The following DNM1 variants were observed in gnomAD, a reference collection of about 807,000 sequenced individuals.
DNM1 encodes the protein dynamin 1.
A neutral mutation model predicts 104.6 loss-of-function variants in DNM1; 29 were observed. The observed-to-expected ratio is 0.28, with a 90% confidence interval of 0.21 to 0.38. The LOEUF is 0.38. Among genes scored for constraint, DNM1 ranks in the 10% least tolerant of loss-of-function variants. The pLI is 1.00. For synonymous variants in DNM1, 445 were observed against 475.8 expected (o/e 0.94, Z 0.84); for missense variants, 640 against 1,189.4 (o/e 0.54, Z 6.79).
Position 128,240,105 on chromosome 9 carries a change from G to A in DNM1, c.1557+109G>A, listed in dbSNP as rs1230599643. 1 of 1,275,168 alleles carries A rather than the reference G, an allele frequency of 7.8e-7. No individual in the cohort carries two copies. Among genetic ancestry groups the A allele is most frequent in the African/African-American group, 1.5e-5 (1 of 68,122 alleles). The allele number at this position is 1,275,168 out of a possible 1,614,324, so 79.0% of individuals were successfully genotyped here. ...GGGCACCCTTTGGCTGAAGCTGCTT[G>A]TACACACCAGCCCCTGGCATTTCAC... On this transcript the variant is annotated intron_variant, in intron 14 of 21. Transcript: ENST00000372923. This position sits in a 1 kb window ranked among gnomAD's most constrained non-coding sequence, Gnocchi z 5.1.
At chr9:128,249,513 G>T (rs576121614) in intron 19 of DNM1, among the ~76,000 whole-genome samples, 3 of 151,636 alleles carry the variant, frequency 2.0e-5, no homozygotes, top group Admixed American at 6.6e-5. Flanking sequence ...AAAATTAGCC[G>T]GGCGTGGTGG....
In DNM1 at chr9:128,205,123, C is replaced by G. The variant is rs1468579248; in HGVS notation, c.161+1492C>G. ...TCTCTCCAATGGCTCCTGCAGAGCC[C>G]CCCTTCTGATCACATGACCCCCGGA... On this transcript the variant is annotated intron_variant, in intron 1 of 21. Coordinates refer to ENST00000372923, the MANE Select transcript of DNM1 (RefSeq NM_004408.4). Among the ~76,000 whole-genome samples the G allele has an allele frequency of 3.9e-5, 6 of 152,260 alleles. No individual in the cohort carries two copies. In the East Asian group the frequency reaches 1.2e-3, roughly 29 times the overall value.
Position 128,245,661 on chromosome 9 carries a change from A to G in DNM1, c.1672-733A>G, listed in dbSNP as rs943521734. ...GGTGTGCAGGTAAGATGTGTACCCC[A>G]GTATAAGTCCACAGGCATGGCTCTG... On this transcript the variant is annotated intron_variant, in intron 15 of 21. Transcript: ENST00000372923. The surrounding 1 kb of genome is among the most constrained non-coding windows in gnomAD (Gnocchi z 5.2). Among the ~76,000 whole-genome samples, 2 of 152,202 alleles carry G rather than the reference A, an allele frequency of 1.3e-5. No homozygotes were observed. Among genetic ancestry groups the G allele is most frequent in the Non-Finnish European group, 2.9e-5 (2 of 68,036 alleles).
At position 128,254,753 on chromosome 9, in the gene DNM1, C is replaced by T; in HGVS notation, c.*39C>T. The T allele has an allele frequency of 6.4e-7, 1 of 1,570,218 alleles. No homozygotes were observed. Among genetic ancestry groups the T allele is most frequent in the East Asian group, 2.2e-5 (1 of 44,706 alleles). ...CTTCTCGGAGACCTCCCTTTCCAAG[C>T]CTGCCTGGACGGCTGTTCTGTGACT... On this transcript the variant is annotated 3_prime_UTR_variant, in exon 22 of 22. Coordinates refer to ENST00000372923, the MANE Select transcript of DNM1 (RefSeq NM_004408.4). The surrounding 1 kb of genome is among the most constrained non-coding windows in gnomAD (Gnocchi z 6.1).
At chr9:128,213,311 A>C (rs2131123582) in intron 1 of DNM1, among the ~76,000 whole-genome samples, 1 of 152,192 alleles carries the variant, frequency 6.6e-6, no homozygotes, top group South Asian at 2.1e-4. Context: ...CAAACTCCTG[A>C]CCTCAGGCGA....
At position 128,203,659 on chromosome 9, in the gene DNM1, A is replaced by C; in HGVS notation, c.161+28A>C. The C allele has an allele frequency of 6.7e-7, 1 of 1,486,092 alleles. No homozygotes were observed. The allele number at this position is 1,486,092 out of a possible 1,614,324, so 92.1% of individuals were successfully genotyped here. Reference sequence around the variant, plus strand: ...AGGCGCGGCGCGCCCCCAGGCGCCGACCCCCGACCCCCGGGATCCCTGGAG... The same window carrying C: ...AGGCGCGGCGCGCCCCCAGGCGCCGCCCCCCGACCCCCGGGATCCCTGGAG... On this transcript the variant is annotated intron_variant, in intron 1 of 21. Transcript: ENST00000372923. The surrounding 1 kb of genome is among the most constrained non-coding windows in gnomAD (Gnocchi z 5.3).
At chr9:128,232,206 C>T (rs1835738346) in intron 10 of DNM1, 1 of 376,946 alleles carries the variant, frequency 2.7e-6, no homozygotes, top group African/African-American at 2.1e-5. Flanking sequence ...AAACTCTACC[C>T]TGGGAGGGAG....
Position 128,250,182 on chromosome 9 carries a change from T to G in DNM1, c.2144T>G (p.Met715Arg). Residue 715 changes from methionine to arginine, a missense_variant, in exon 20 of 22, where the codon ATG (methionine) becomes AGG (arginine). Transcript: ENST00000372923. ...LYSCGDQNTL[M>R]EESAEQAQRR... ...TCGTGTGGGGACCAGAACACGCTGA[T>G]GGAGGAGTCGGCGGAGCAGGCACAG... The G allele has an allele frequency of 6.2e-7, 1 of 1,614,120 alleles. No individual in the cohort carries two copies. The highest frequency in any genetic ancestry group is 8.5e-7 in the Non-Finnish European group (1 of 1,180,024).
Position 128,220,742 on chromosome 9 carries a change from C to CGCGCGCGCGCGCGCGCGTGTGT in DNM1, c.849+402_849+403insCGCGCGCGCGCGCGCGTGTGTG, listed in dbSNP as rs61020870. ...CAGAACTGAAGTGCGCGCGCGCGCG[C>CGCGCGCGCGCGCGCGCGTGTGT]GTGTGTGTGTGTGTGTGTGTGTGTG... On this transcript the variant is annotated intron_variant, in intron 6 of 21. Coordinates refer to ENST00000372923, the MANE Select transcript of DNM1 (RefSeq NM_004408.4). This position sits in a 1 kb window ranked among gnomAD's most constrained non-coding sequence, Gnocchi z 5.2. Among the ~76,000 whole-genome samples the CGCGCGCGCGCGCGCGCGTGTGT allele has an allele frequency of 7.3e-6, 1 of 136,278 alleles. No individual in the cohort carries two copies. The highest frequency in any genetic ancestry group is 2.7e-5 in the African/African-American group (1 of 37,720). 89.4% of individuals were successfully genotyped at this position (136,278 alleles called of 152,430 possible). A position where few individuals can be genotyped will look rare whatever the true frequency, so the allele number is the denominator to read the frequency against.
Position 128,218,671 on chromosome 9 carries a change from A to C in DNM1, c.325A>C (p.Thr109Pro). 6.2e-7 allele frequency: 1 copy of C among 1,613,216 alleles called. No individual in the cohort carries two copies. Among genetic ancestry groups the C allele is most frequent in the Non-Finnish European group, 8.5e-7 (1 of 1,179,462 alleles). Residue 109 changes from threonine (T) to proline (P), a missense_variant, in exon 3 of 22, where the codon ACC becomes CCC. Thr to Pro is a conservative substitution (Grantham distance 38). Coordinates refer to ENST00000372923, the MANE Select transcript of DNM1 (RefSeq NM_004408.4). The surrounding 1 kb of genome is among the most constrained non-coding windows in gnomAD (Gnocchi z 4.8). Reference sequence around the variant, plus strand: ...GATCGAGGCCGAGACCGACAGGGTCACCGGCACCAACAAGGGCATCTCGCC... The same window carrying C: ...GATCGAGGCCGAGACCGACAGGGTCCCCGGCACCAACAAGGGCATCTCGCC... ...LEIEAETDRVTGTNKGISPVP... is the reference protein window; with the variant it reads ...LEIEAETDRVPGTNKGISPVP...
rs780097716 is a variant in DNM1, at chr9:128,234,063, G to A, written c.1378G>A (p.Val460Met). Residue 460 changes from valine (V) to methionine (M), a missense_variant, in exon 11 of 22, where the codon GTG becomes ATG. Physicochemically the swap from Val to Met is conservative, Grantham distance 21. This residue lies in a region of DNM1 where 92 missense variants were observed against 124.4 expected (regional missense o/e 0.74). Coordinates refer to ENST00000372923, the MANE Select transcript of DNM1 (RefSeq NM_004408.4). ...PRLREEMERI[V>M]TTHIREREGR... Reference sequence around the variant, plus strand: ...GCTACGGGAGGAGATGGAGCGCATCGTGACCACCCACATCCGGGAGCGCGA... The same window carrying A: ...GCTACGGGAGGAGATGGAGCGCATCATGACCACCCACATCCGGGAGCGCGA... The A allele has an allele frequency of 3.2e-6, 5 of 1,579,432 alleles. No homozygotes were observed. The highest frequency in any genetic ancestry group is 1.2e-5 in the South Asian group (1 of 85,984).
At chr9:128,239,065 T>C (rs1405040909) in intron 11 of DNM1, among the ~76,000 whole-genome samples, 2 of 151,982 alleles carry the variant, frequency 1.3e-5, no homozygotes, top group Non-Finnish European at 2.9e-5. Context: ...TGGTGCAATC[T>C]TGGCTCACTG....
Position 128,222,767 on chromosome 9 carries a change from A to C in DNM1, c.1129-26A>C. Reference sequence around the variant, plus strand: ...CCAGGTAGTAGGACAGGCCCTGACCAGGCTTTTCTCTGCTTTTCTACACAG... The same window carrying C: ...CCAGGTAGTAGGACAGGCCCTGACCCGGCTTTTCTCTGCTTTTCTACACAG... On this transcript the variant is annotated intron_variant, in intron 8 of 21. Coordinates refer to ENST00000372923, the MANE Select transcript of DNM1 (RefSeq NM_004408.4). The surrounding 1 kb of genome is among the most constrained non-coding windows in gnomAD (Gnocchi z 7.8). The C allele has an allele frequency of 3.1e-6, 5 of 1,613,832 alleles. No homozygotes were observed. The highest frequency in any genetic ancestry group is 4.2e-6 in the Non-Finnish European group (5 of 1,179,802).
In DNM1 at chr9:128,220,100, G is replaced by T. The variant is rs1487237145; in HGVS notation, c.688+14G>T. 6.2e-7 allele frequency: 1 copy of T among 1,612,932 alleles called. No individual in the cohort carries two copies. Among genetic ancestry groups the T allele is most frequent in the South Asian group, 1.1e-5 (1 of 91,024 alleles). ...CCCTGCGCAGAGGTAAGCAGGCCAT[G>T]CCCCTCAACCACTCCCCAGCCCTTC... On this transcript the variant is annotated intron_variant, in intron 5 of 21. Coordinates refer to ENST00000372923, the MANE Select transcript of DNM1 (RefSeq NM_004408.4). This position sits in a 1 kb window ranked among gnomAD's most constrained non-coding sequence, Gnocchi z 5.2.
chr9:128,226,733 G>A (rs561148313), intron 10 of DNM1, among the ~76,000 whole-genome samples: 12 of 152,230 alleles, frequency 7.9e-5, no homozygotes, highest in South Asian at 4.2e-4. Flanking sequence ...AGACAGGGGC[G>A]GTCTCTTTTG....
In DNM1 at chr9:128,254,780, G is replaced by A. The variant is rs1195933104; in HGVS notation, c.*66G>A. On this transcript the variant is annotated 3_prime_UTR_variant, in exon 22 of 22. Transcript: ENST00000372923. The surrounding 1 kb of genome is among the most constrained non-coding windows in gnomAD (Gnocchi z 6.1). Reference sequence around the variant, plus strand: ...TGCCTGGACGGCTGTTCTGTGACTTGACAGTGGCTCCCCCAGCCCCAAAGC... The same window carrying A: ...TGCCTGGACGGCTGTTCTGTGACTTAACAGTGGCTCCCCCAGCCCCAAAGC... 3.6e-6 allele frequency: 5 copies of A among 1,396,072 alleles called. No homozygotes were observed. In the East Asian group the frequency reaches 1.1e-4, roughly 32 times the overall value. 86.5% of individuals were successfully genotyped at this position (1,396,072 alleles called of 1,614,324 possible). A position where few individuals can be genotyped will look rare whatever the true frequency, so the allele number is the denominator to read the frequency against.
intron 9 of DNM1, 154 bp downstream of exon 9, chr9:128,223,014 A>T: frequency 1.3e-6 from 1 of 747,946 alleles, no homozygotes. Flanking sequence ...CCTGCATGAC[A>T]GGCTCCAGCT....
Position 128,254,291 on chromosome 9 carries a change from C to G in DNM1, c.2535-363C>G, listed in dbSNP as rs1234808699. On this transcript the variant is annotated intron_variant, in intron 21 of 21. Coordinates refer to ENST00000372923, the MANE Select transcript of DNM1 (RefSeq NM_004408.4). This position sits in a 1 kb window ranked among gnomAD's most constrained non-coding sequence, Gnocchi z 6.1. ...CCCCAAGGCAAGGGGTGGCCCCAGG[C>G]CAGTGGGTTGGAAGACAGGGTGACC... 7.2e-7 allele frequency: 1 copy of G among 1,393,676 alleles called. No homozygotes were observed. The highest frequency in any genetic ancestry group is 3.4e-5 in the Admixed American group (1 of 29,286). 86.3% of individuals were successfully genotyped at this position (1,393,676 alleles called of 1,614,324 possible). A position where few individuals can be genotyped will look rare whatever the true frequency, so the allele number is the denominator to read the frequency against.
At position 128,250,721 on chromosome 9, in the gene DNM1, T is replaced by C; in HGVS notation, c.2319-4T>C. On this transcript the variant is annotated splice_polypyrimidine_tract_variant and splice_region_variant and intron_variant, in intron 20 of 21. Coordinates refer to ENST00000372923, the MANE Select transcript of DNM1 (RefSeq NM_004408.4). ...CCTTGTTCCTCGCTCCCTGTCGCCC[T>C]CAGGTCGCCCACGTCCAGCCCCACG... 1 of 1,460,430 alleles carries C rather than the reference T, an allele frequency of 6.8e-7. No homozygotes were observed. The highest frequency in any genetic ancestry group is 9.0e-7 in the Non-Finnish European group (1 of 1,112,590). 90.5% of individuals were successfully genotyped at this position (1,460,430 alleles called of 1,614,324 possible).
Sources: allele counts gnomAD v4.1 joint callset (sites outside exome capture counted in the v4.1 genomes callset), GRCh38; gene constraint gnomAD v4.1.1; regional missense constraint gnomAD v4.1.1; non-coding constraint Gnocchi (gnomAD v3.1); transcripts MANE v1.5; gene names NCBI Gene and HGNC (gene_info 2026-07-23, HGNC 2026-07-21).